SPAG1: variants seen among roughly 807,000 people sequenced by gnomAD.
SPAG1 encodes the protein sperm-associated antigen 1.
A neutral mutation model predicts 100.5 loss-of-function variants in SPAG1; 69 were observed. The ratio of observed to expected loss-of-function variants is 0.69; its 90% confidence interval spans 0.57 to 0.84. The LOEUF (loss-of-function observed/expected upper bound fraction) is 0.84, where lower values mean the gene tolerates loss of function less well. Among genes scored for constraint, SPAG1 ranks in the 40% least tolerant of loss-of-function variants. The probability of loss-of-function intolerance (pLI) is 0.00; values close to 1 mark genes in which losing one functional copy is unlikely to be tolerated. For missense variants in SPAG1, 955 were observed against 1,133.1 expected (o/e 0.84, Z 2.26); for synonymous variants, 336 against 411.6 (o/e 0.82, Z 2.22).
chr8:100,206,051 A>G (rs1358630548), intron 10 of SPAG1, among the ~76,000 whole-genome samples: 1 of 134,368 alleles, frequency 7.4e-6, no homozygotes, highest in Admixed American at 8.0e-5. Flanking sequence ...AAAAAAAAAA[A>G]AAAAGAAAGA....
At chr8:100,201,873 C>A (rs1453487553) in intron 10 of SPAG1, among the ~76,000 whole-genome samples, 1 of 152,194 alleles carries the variant, frequency 6.6e-6, no homozygotes, top group African/African-American at 2.4e-5. Context: ...TCCTCTGTAA[C>A]CCTTGCAGTA....
At chr8:100,183,849 G>GGTT in intron 5 of SPAG1, 107 bp from the exon 6 acceptor site, 1 of 590,558 alleles carries the variant, frequency 1.7e-6, no homozygotes, top group Non-Finnish European at 3.0e-6. Context: ...ACATATTTTT[G>GGTT]AATATGTATC....
At chr8:100,167,588 T>C (rs973963989) in intron 3 of SPAG1, among the ~76,000 whole-genome samples, 1 of 152,330 alleles carries the variant, frequency 6.6e-6, no homozygotes, top group Admixed American at 6.5e-5. Flanking sequence ...GGGAGGACTA[T>C]TGTAGTATAT....
In SPAG1 at chr8:100,203,009, T is replaced by C. The variant is rs565520881; in HGVS notation, c.1096+8741T>C. On this transcript the variant is annotated intron_variant, in intron 10 of 18. Coordinates refer to ENST00000388798, the MANE Select transcript of SPAG1 (RefSeq NM_003114.5). ...GTGCTGGTTAATACTGAGTGTTAACTTGATTGGATTGAAGGATACAAAGTA... is the reference window on the plus strand; with the variant it reads ...GTGCTGGTTAATACTGAGTGTTAACCTGATTGGATTGAAGGATACAAAGTA... 1.4e-4 allele frequency among the ~76,000 whole-genome samples: 21 copies of C among 152,340 alleles called. 1 individual carries two copies. Among genetic ancestry groups the C allele is most frequent in the African/African-American group, 4.6e-4 (19 of 41,586 alleles).
intron 14 of SPAG1, among the ~76,000 whole-genome samples, chr8:100,229,908 A>C (rs1362521352): frequency 1.3e-5 from 2 of 152,198 alleles, no homozygotes; most frequent in East Asian, 3.8e-4. Context: ...CCAGCTCTCC[A>C]TCTTGGCCTC....
At chr8:100,181,879 A>G (rs1378699608) in intron 4 of SPAG1, among the ~76,000 whole-genome samples, 9 of 152,206 alleles carry the variant, frequency 5.9e-5, no homozygotes. Flanking sequence ...GGGAGACACA[A>G]TTCAACCCAT....
At chr8:100,179,691 A>ACAAATTCC (rs1367315745) in intron 4 of SPAG1, among the ~76,000 whole-genome samples, 1 of 152,242 alleles carries the variant, frequency 6.6e-6, no homozygotes, top group African/African-American at 2.4e-5. Context: ...TACAGTAAAA[A>ACAAATTCC]CAAATTCCAA....
chr8:100,227,855 T>A (rs1319719668), intron 14 of SPAG1, among the ~76,000 whole-genome samples: 1 of 147,930 alleles, frequency 6.8e-6, no homozygotes, highest in Admixed American at 6.7e-5. Context: ...TTTTTTTTTT[T>A]TTTTTTTTTG....
In SPAG1 at chr8:100,213,392, A is replaced by G. The variant is rs113192622; in HGVS notation, c.1399A>G (p.Lys467Glu). ...CGGGCAGTTCGCCGAGGCGGCCGGC[A>G]AGTACTCGGCGGCAATCGCGCTCCT... The part of the protein sequence containing the change: ...RSGQFAEAAG[K>E]YSAAIALLEP... The change falls in exon 11 of 19, where the codon AAG becomes GAG. Residue 467 changes from lysine (K) to glutamate (E), a missense_variant. Transcript: ENST00000388798. The G allele has an allele frequency of 4.8e-6, 7 of 1,449,748 alleles. No homozygotes were observed. The African/African-American group carries it at 5.9e-5, about 12-fold the overall frequency. 89.8% of individuals were successfully genotyped at this position (1,449,748 alleles called of 1,614,324 possible). A position where few individuals can be genotyped will look rare whatever the true frequency, so the allele number is the denominator to read the frequency against.
intron 16 of SPAG1, among the ~76,000 whole-genome samples, chr8:100,235,823 A>G (rs1818980672): frequency 6.6e-6 from 1 of 151,584 alleles, no homozygotes; most frequent in Non-Finnish European, 1.5e-5. Flanking sequence ...TGTGACCCTA[A>G]CACATGCCTC....
At chr8:100,192,206 T>C (rs1816846419) in intron 9 of SPAG1, among the ~76,000 whole-genome samples, 1 of 152,206 alleles carries the variant, frequency 6.6e-6, no homozygotes, top group African/African-American at 2.4e-5. Context: ...GGCTCACGTC[T>C]GTAATCCCAG....
chr8:100,239,172 C>A lies in SPAG1; in HGVS notation c.2116-68C>A. On this transcript the variant is annotated intron_variant, in intron 16 of 18. Coordinates refer to ENST00000388798, the MANE Select transcript of SPAG1 (RefSeq NM_003114.5). This position sits in a 1 kb window ranked among gnomAD's most constrained non-coding sequence, Gnocchi z 5.0. ...TGCACAGCTCACTACATCCACCCCA[C>A]TCCCACTCAGGTTACTCTAGGCTCC... 1.0e-6 allele frequency: 1 copy of A among 975,736 alleles called. No homozygotes were observed. The highest frequency in any genetic ancestry group is 1.5e-6 in the Non-Finnish European group (1 of 655,724). The allele number at this position is 975,736 out of a possible 1,614,324, so 60.4% of individuals were successfully genotyped here.
At chr8:100,178,132 A>G (rs1485225804) in intron 4 of SPAG1, among the ~76,000 whole-genome samples, 191 bp downstream of exon 4, 1 of 152,236 alleles carries the variant, frequency 6.6e-6, no homozygotes, top group African/African-American at 2.4e-5. Flanking sequence ...CTTGGAAATC[A>G]AAATGAAACA....
chr8:100,238,177 G>A (rs1260774757), intron 16 of SPAG1, among the ~76,000 whole-genome samples: 1 of 152,146 alleles, frequency 6.6e-6, no homozygotes, highest in Non-Finnish European at 1.5e-5. Flanking sequence ...TAAATACAGT[G>A]TCATTTTTCC....
chr8:100,216,733 T>C (rs1818004663), intron 12 of SPAG1, among the ~76,000 whole-genome samples: 1 of 152,102 alleles, frequency 6.6e-6, no homozygotes, highest in East Asian at 1.9e-4. Flanking sequence ...CAGGGGGTGA[T>C]TTTACACTAA....
At chr8:100,166,192 C>T (rs971040942) in intron 3 of SPAG1, among the ~76,000 whole-genome samples, 6 of 152,044 alleles carry the variant, frequency 3.9e-5, no homozygotes, top group African/African-American at 9.7e-5. Context: ...ATATTCTGTC[C>T]TATTAAAAAA....
Position 100,194,303 on chromosome 8 carries a change from G to A in SPAG1, c.1096+35G>A, listed in dbSNP as rs17335911. 0.2 allele frequency: 310,767 copies of A among 1,582,514 alleles called. 32,379 individuals are homozygous for A. The highest frequency in any genetic ancestry group is 0.24 in the South Asian group (21,113 of 87,432). ...TTTTTCTATTTAGGTTATGTAAAAA[G>A]CTGCCTTTTAATATGATGAGCTGGC... is the stretch of plus-strand genomic sequence containing the variant. On this transcript the variant is annotated intron_variant, in intron 10 of 18. Transcript: ENST00000388798.
intron 13 of SPAG1, among the ~76,000 whole-genome samples, chr8:100,223,888 A>G (rs1204376531): frequency 4.6e-5 from 7 of 152,078 alleles, no homozygotes; most frequent in Admixed American, 3.9e-4. Context: ...AAAGATCACT[A>G]TGGAAATTTA....
intron 7 of SPAG1, among the ~76,000 whole-genome samples, chr8:100,186,687 C>A (rs901226717): frequency 3.9e-5 from 6 of 152,034 alleles, no homozygotes; most frequent in Admixed American, 6.6e-5. Context: ...ACAGACTGAG[C>A]GGCTTAAACG....
Sources: gnomAD v4.1 joint callset for allele counts (sites outside exome capture counted in the v4.1 genomes callset) on GRCh38, gnomAD v4.1.1 for gene constraint, Gnocchi (gnomAD v3.1) non-coding constraint, MANE v1.5 for transcripts, NCBI Gene and HGNC (gene_info 2026-07-23, HGNC 2026-07-21) for gene names.